Variants in DGKD observed in about 807,000 individuals in gnomAD.
The protein encoded by DGKD is DAG kinase delta.
In DGKD, 68 loss-of-function variants were observed where a neutral mutation model predicts 154.4. The observed-to-expected ratio is 0.44, with a 90% CI of 0.36 to 0.54. The LOEUF (loss-of-function observed/expected upper bound fraction) is 0.54. Among genes scored for constraint, DGKD ranks in the 20% least tolerant of loss-of-function variants. The probability of loss-of-function intolerance (pLI) is 0.00; values close to 1 mark genes in which losing one functional copy is unlikely to be tolerated. For synonymous variants in DGKD, 693 were observed against 638.0 expected (o/e 1.09, Z -1.30); for missense variants, 1,343 against 1,593.6 (o/e 0.84, Z 2.68).
chr2:233,433,484 A>G (rs1559541389), intron 3 of DGKD, among the ~76,000 whole-genome samples: 1 of 152,224 alleles, frequency 6.6e-6, no homozygotes, highest in Non-Finnish European at 1.5e-5. Flanking sequence ...TAATAGGTAC[A>G]AAAATGTAGT....
rs2062672591 is a variant in DGKD at position 233,435,816 on chromosome 2, A to G, written c.587-2A>G. ...TAGGCTCATGTGCCCCTTCTCTCAC[A>G]GTGTGCAAATTTAAGGCCCACAAGC... is the stretch of plus-strand genomic sequence containing the variant. On this transcript the variant is annotated splice_acceptor_variant, in intron 5 of 29. Coordinates refer to ENST00000264057, the MANE Select transcript of DGKD (RefSeq NM_152879.3). LOFTEE classifies it high-confidence loss of function. 6.2e-7 allele frequency: 1 copy of G among 1,610,286 alleles called. No individual in the cohort carries two copies. The highest frequency in any genetic ancestry group is 8.5e-7 in the Non-Finnish European group (1 of 1,178,136).
chr2:233,428,227 A>G (rs2062378863), intron 3 of DGKD, among the ~76,000 whole-genome samples: 1 of 152,136 alleles, frequency 6.6e-6, no homozygotes, highest in Non-Finnish European at 1.5e-5. Context: ...AGATGGAGGC[A>G]TGGCATGGAA....
chr2:233,437,090 G>A (rs2062722890), intron 7 of DGKD, among the ~76,000 whole-genome samples: 1 of 152,234 alleles, frequency 6.6e-6, no homozygotes, highest in Non-Finnish European at 1.5e-5. Flanking sequence ...TGAGGTAGCT[G>A]TGGTCGAAGG....
In DGKD at chr2:233,408,415, C is replaced by T. The variant is rs79485609; in HGVS notation, c.348+17932C>T. ...TGCAACTGCTGGCCCAGGTCTGGGA[C>T]AGGGAGAATTGTATTTGTGGGTCCC... On this transcript the variant is annotated intron_variant, in intron 3 of 29. Coordinates refer to ENST00000264057, the MANE Select transcript of DGKD (RefSeq NM_152879.3). 7.1e-3 allele frequency among the ~76,000 whole-genome samples: 1,087 copies of T among 152,344 alleles called. 9 individuals carry two copies. The highest frequency in any genetic ancestry group is 0.025 in the African/African-American group (1,031 of 41,582).
chr2:233,398,569 TC>T (rs1026141602), intron 3 of DGKD, among the ~76,000 whole-genome samples: 8 of 152,236 alleles, frequency 5.3e-5, no homozygotes, highest in Non-Finnish European at 1.0e-4. Context: ...TTAGGATTTC[TC>T]CCCTGATTTA....
intron 3 of DGKD, among the ~76,000 whole-genome samples, chr2:233,395,811 G>A (rs1043149761): frequency 1.3e-5 from 2 of 151,958 alleles, no homozygotes; most frequent in African/African-American, 2.4e-5. Context: ...TCAGATTACA[G>A]GCATGAGCCA....
intron 3 of DGKD, among the ~76,000 whole-genome samples, chr2:233,425,090 A>G (rs1196744319): frequency 6.6e-6 from 1 of 152,176 alleles, no homozygotes; most frequent in African/African-American, 2.4e-5. Context: ...AAAATCATGT[A>G]CTTGAATCAA....
chr2:233,421,533 G>T (rs1303367677), intron 3 of DGKD, among the ~76,000 whole-genome samples: 2 of 152,166 alleles, frequency 1.3e-5, no homozygotes, highest in African/African-American at 4.8e-5. Context: ...CACCTGCATG[G>T]CCCTCTGTGG....
rs1322334929 is a variant in DGKD at position 233,456,994 on chromosome 2, A to C, written c.2471A>C (p.Glu824Ala). The C allele has an allele frequency of 1.2e-6, 2 of 1,613,476 alleles. No individual in the cohort carries two copies. Among genetic ancestry groups the C allele is most frequent in the African/African-American group, 2.7e-5 (2 of 74,908 alleles). ...YKNLEQKVLL[E>A]CDGRPIPLPS... The stretch of plus-strand genomic sequence containing the variant: ...AACCTGGAGCAAAAGGTCTTGCTGG[A>C]GGTGAGTGGGAGGGTCCTTGTCACC... The change falls in exon 20 of 30, where the codon GAG (glutamate) becomes GCG (alanine). Residue 824 changes from glutamate to alanine, a missense_variant and splice_region_variant. By Grantham distance (107) the Glu-to-Ala change is moderately radical. Transcript: ENST00000264057.
intron 3 of DGKD, among the ~76,000 whole-genome samples, chr2:233,395,121 A>T (rs1239598466): frequency 1.3e-5 from 2 of 152,124 alleles, no homozygotes; most frequent in African/African-American, 2.4e-5. Flanking sequence ...TGCATATCTG[A>T]TGCCTGTGTT....
In DGKD at chr2:233,470,680, C is replaced by T. The variant is rs2063984549; in HGVS notation, c.*1220C>T. ...TGGTCCTCCAGGGCACTGACTTTGC[C>T]CTTTTTTCCCGTTGATAGTCATGGC... On this transcript the variant is annotated 3_prime_UTR_variant, in exon 30 of 30. Coordinates refer to ENST00000264057, the MANE Select transcript of DGKD (RefSeq NM_152879.3). 6.6e-6 allele frequency: 1 copy of T among 152,274 alleles called. No individual in the cohort carries two copies. 9.4% of individuals were successfully genotyped at this position (152,274 alleles called of 1,614,324 possible).
Position 233,457,953 on chromosome 2 carries a change from G to A in DGKD, c.2581-331G>A. 1 of 366,182 alleles carries A rather than the reference G, an allele frequency of 2.7e-6. No homozygotes were observed. The highest frequency in any genetic ancestry group is 3.4e-5 in the South Asian group (1 of 29,730). 22.7% of individuals were successfully genotyped at this position (366,182 alleles called of 1,614,324 possible). On this transcript the variant is annotated intron_variant, in intron 21 of 29. Coordinates refer to ENST00000264057, the MANE Select transcript of DGKD (RefSeq NM_152879.3). This position sits in a 1 kb window ranked among gnomAD's most constrained non-coding sequence, Gnocchi z 5.5. ...GTATTCAGCGCTTCCTGCACACGTG[G>A]TGTGTGCTGGCCCCAGTCCTGGCAC...
intron 3 of DGKD, among the ~76,000 whole-genome samples, chr2:233,394,486 C>T (rs535978408): frequency 6.6e-6 from 1 of 151,726 alleles, no homozygotes; most frequent in Admixed American, 6.5e-5. Context: ...TCAAGTGATC[C>T]TCCTGCCTTG....
intron 3 of DGKD, among the ~76,000 whole-genome samples, chr2:233,396,613 G>A (rs1384880806): frequency 6.6e-5 from 10 of 152,220 alleles, no homozygotes; most frequent in Non-Finnish European, 1.5e-5. Flanking sequence ...CCTTGGGGAG[G>A]GGCTGGGCAG....
At chr2:233,462,152 C>T (rs977446777) in intron 24 of DGKD, among the ~76,000 whole-genome samples, 196 bp from the exon 25 acceptor site, 11 of 152,334 alleles carry the variant, frequency 7.2e-5, no homozygotes, top group African/African-American at 2.6e-4. Flanking sequence ...GAAGCCCTCC[C>T]ATTTGCTGTG....
At chr2:233,461,077 A>G (rs2063619791) in intron 24 of DGKD, among the ~76,000 whole-genome samples, 1 of 150,966 alleles carries the variant, frequency 6.6e-6, no homozygotes, top group Non-Finnish European at 1.5e-5. Flanking sequence ...CCTTCTAGAA[A>G]CACCCCTGGA....
chr2:233,388,321 A>C lies in DGKD; in HGVS notation c.221A>C (p.Tyr74Ser), dbSNP rs919725606. Residue 74 changes from tyrosine to serine, a missense_variant, in exon 2 of 30, where the codon TAC becomes TCC. Physicochemically the swap from Tyr to Ser is moderately radical, Grantham distance 144. Around this residue, in one of 6 missense-constraint regions of DGKD, gnomAD observed 332 missense variants for 400.1 expected, o/e 0.83. Transcript: ENST00000264057. The stretch of plus-strand genomic sequence containing the variant: ...TCATTCCAGCGATCAAAAAGGAGAT[A>C]CTTTAAGCTTCGAGGGCGAACGCTT... ...NNSFQRSKRRYFKLRGRTLYY... is the reference protein window; with the variant it reads ...NNSFQRSKRRSFKLRGRTLYY... 55 of 1,614,170 alleles carry C rather than the reference A, an allele frequency of 3.4e-5. No individual in the cohort carries two copies. Among genetic ancestry groups the C allele is most frequent in the Non-Finnish European group, 4.6e-5 (54 of 1,180,028 alleles).
intron 1 of DGKD, among the ~76,000 whole-genome samples, chr2:233,356,143 G>C (rs867597579): frequency 1.3e-5 from 2 of 152,346 alleles, no homozygotes; most frequent in South Asian, 4.1e-4. Flanking sequence ...GTGAGATCTT[G>C]AGGGATAAAG....
At chr2:233,466,257 T>G (rs565796223) in intron 27 of DGKD, among the ~76,000 whole-genome samples, 30 of 151,794 alleles carry the variant, frequency 2.0e-4, no homozygotes, top group African/African-American at 7.3e-4. Context: ...ATTTTTTTTG[T>G]CTTCTTGATA....
Sources: allele counts gnomAD v4.1 joint callset (sites outside exome capture counted in the v4.1 genomes callset), GRCh38; gene constraint gnomAD v4.1.1; regional missense constraint gnomAD v4.1.1; non-coding constraint Gnocchi (gnomAD v3.1); transcripts MANE v1.5; gene names NCBI Gene and HGNC (gene_info 2026-07-23, HGNC 2026-07-21).